Variants in ASB2 observed in about 807,000 individuals in gnomAD.
The protein encoded by ASB2 is ankyrin repeat and SOCS box containing 2.
Under a neutral mutation model 62.4 loss-of-function variants are expected in ASB2, and 58 were observed. The observed-to-expected ratio is 0.93, with a 90% CI of 0.75 to 1.16. The LOEUF (loss-of-function observed/expected upper bound fraction) is 1.16. ASB2 is among the 50% of genes most tolerant of loss of function. ASB2 has a pLI of 0.00. For missense variants in ASB2, 928 were observed against 887.9 expected, an observed-to-expected ratio of 1.05 and a Z score of -0.57; for synonymous variants, 386 against 385.3, an observed-to-expected ratio of 1.00 and a Z score of -0.02.
chr14:93,948,670 C>A (rs1324190520), intron 6 of ASB2, among the ~76,000 whole-genome samples: 1 of 151,296 alleles, frequency 6.6e-6, no homozygotes, highest in Non-Finnish European at 1.5e-5. Flanking sequence ...CAATGGCTCA[C>A]ACTTGTAATC....
chr14:93,959,987 C>G (rs890361676), intron 2 of ASB2, among the ~76,000 whole-genome samples: 2 of 114,088 alleles, frequency 1.8e-5, no homozygotes, highest in Non-Finnish European at 3.5e-5. Context: ...GAGTCTACCC[C>G]ACGCCCACCC....
At chr14:93,976,268 G>C (rs922622603) in intron 1 of ASB2, among the ~76,000 whole-genome samples, 166 bp downstream of exon 1, 1 of 152,196 alleles carries the variant, frequency 6.6e-6, no homozygotes, top group Admixed American at 6.5e-5. Context: ...CATCCAAAAC[G>C]AAAGTCACCA....
chr14:93,939,733 G>C (rs1283970597), intron 7 of ASB2, 61 bp from the exon 8 acceptor site: 2 of 1,277,242 alleles, frequency 1.6e-6, no homozygotes, highest in Non-Finnish European at 2.0e-6. Flanking sequence ...GGGTAGGGCC[G>C]GCCCCGCCAG....
intron 1 of ASB2, among the ~76,000 whole-genome samples, chr14:93,975,544 T>G (rs1323505746): frequency 6.6e-6 from 1 of 152,250 alleles, no homozygotes; most frequent in Non-Finnish European, 1.5e-5. Context: ...TCAATGCATG[T>G]GGCTATGTGC....
chr14:93,955,067 T>C (rs1161807515), intron 3 of ASB2: 3 of 456,672 alleles, frequency 6.6e-6, no homozygotes, highest in African/African-American at 6.0e-5. Context: ...TGTTCATTCA[T>C]TGCTTCCTTC....
chr14:93,935,005 C>T (rs1888222903), intron 9 of ASB2, among the ~76,000 whole-genome samples: 1 of 152,170 alleles, frequency 6.6e-6, no homozygotes, highest in Non-Finnish European at 1.5e-5. Context: ...ACAGCCCACG[C>T]AGTGCACAGC....
intron 7 of ASB2, among the ~76,000 whole-genome samples, chr14:93,946,386 T>TC (rs1381841714): frequency 1.3e-5 from 2 of 152,186 alleles, no homozygotes; most frequent in African/African-American, 2.4e-5. Context: ...GGCCCAGGCT[T>TC]CCCCATGTAG....
chr14:93,945,855 A>G (rs1332681026), intron 7 of ASB2, among the ~76,000 whole-genome samples: 4 of 152,196 alleles, frequency 2.6e-5, no homozygotes, highest in Non-Finnish European at 5.9e-5. Context: ...GAAGACAACA[A>G]ACATGCCCCA....
At chr14:93,958,019 C>T (rs553241820) in intron 2 of ASB2, among the ~76,000 whole-genome samples, 1 of 152,184 alleles carries the variant, frequency 6.6e-6, no homozygotes, top group African/African-American at 2.4e-5. Context: ...CCAGAGCCTA[C>T]AGATTCTGTG....
At chr14:93,935,010 C>T (rs35149780) in intron 9 of ASB2, among the ~76,000 whole-genome samples, 31,753 of 152,178 alleles carry the variant, frequency 0.21, 3,788 homozygotes, top group East Asian at 0.6. Flanking sequence ...CCACGCAGTG[C>T]ACAGCGTGGT....
At chr14:93,947,766 G>A (rs1176654093) in intron 6 of ASB2, among the ~76,000 whole-genome samples, 1 of 152,150 alleles carries the variant, frequency 6.6e-6, no homozygotes, top group Non-Finnish European at 1.5e-5. Flanking sequence ...GGCTGAGGCA[G>A]GCGGATCACC....
intron 1 of ASB2, among the ~76,000 whole-genome samples, chr14:93,971,244 A>G (rs1889748617): frequency 6.6e-6 from 1 of 152,192 alleles, no homozygotes; most frequent in Admixed American, 6.5e-5. Flanking sequence ...GGTGGTCCCA[A>G]GGGTCAATCA....
chr14:93,969,226 G>A (rs1889683886), intron 1 of ASB2, among the ~76,000 whole-genome samples: 1 of 152,184 alleles, frequency 6.6e-6, no homozygotes, highest in Non-Finnish European at 1.5e-5. Context: ...GTCCCTGAAC[G>A]GATGCAGTCG....
chr14:93,951,474 C>T (rs1172907511), intron 5 of ASB2, among the ~76,000 whole-genome samples: 1 of 152,194 alleles, frequency 6.6e-6, no homozygotes, highest in Non-Finnish European at 1.5e-5. Context: ...GGTTCTGTGC[C>T]AGGCTCTCTG....
At position 93,964,578 on chromosome 14, in the gene ASB2, C is replaced by T; in HGVS notation, c.-39G>A. 1 of 1,525,022 alleles carries T rather than the reference C, an allele frequency of 6.6e-7. No homozygotes were observed. Among genetic ancestry groups the T allele is most frequent in the African/African-American group, 1.4e-5 (1 of 72,936 alleles). 94.5% of individuals were successfully genotyped at this position (1,525,022 alleles called of 1,614,324 possible). A position where few individuals can be genotyped will look rare whatever the true frequency, so the allele number is the denominator to read the frequency against. On this transcript the variant is annotated 5_prime_UTR_variant, in exon 2 of 10. Transcript: ENST00000555019. ...TCACCCTGGCCTCCAGAACAGACAC[C>T]CAGTGGGGAGGAGGGAACAGCAAAT...
Position 93,939,578 on chromosome 14 carries a change from C to G in ASB2, c.1147G>C (p.Glu383Gln). 6.3e-7 allele frequency: 1 copy of G among 1,583,794 alleles called. No homozygotes were observed. The highest frequency in any genetic ancestry group is 8.6e-7 in the Non-Finnish European group (1 of 1,169,340). The change falls in exon 8 of 10, where the codon GAG (glutamate) becomes CAG (glutamine). Residue 383 changes from glutamate (E) to glutamine (Q), a missense_variant. Transcript: ENST00000555019. ...LHLAAERNHD[E>Q]VLEALLSARF... ...GCGCTCAGCAGCGCCTCCAGCACCT[C>G]GTCGTGGTTGCGCTCGGCCGCCAGG...
At chr14:93,940,184 C>T (rs1471409976) in intron 7 of ASB2, 2 of 154,708 alleles carry the variant, frequency 1.3e-5, no homozygotes, top group Non-Finnish European at 2.9e-5. Flanking sequence ...TGGAGCCAGA[C>T]CCTGCTCTCT....
intron 2 of ASB2, among the ~76,000 whole-genome samples, chr14:93,958,070 AG>A (rs1889286204): frequency 6.6e-6 from 1 of 152,158 alleles, no homozygotes; most frequent in Non-Finnish European, 1.5e-5. Flanking sequence ...GAGAGGAGCA[AG>A]GGTGGCAGGA....
chr14:93,952,354 A>G (rs1274718589), intron 5 of ASB2, among the ~76,000 whole-genome samples: 2 of 152,214 alleles, frequency 1.3e-5, no homozygotes, highest in African/African-American at 4.8e-5. Context: ...GGTGATAGCC[A>G]TGGCGCCCTG....
Sources: allele counts gnomAD v4.1 joint callset (sites outside exome capture counted in the v4.1 genomes callset), GRCh38; gene constraint gnomAD v4.1.1; transcripts MANE v1.5; gene names NCBI Gene and HGNC (gene_info 2026-07-23, HGNC 2026-07-21).